Variants in CACNA1D observed in about 807,000 individuals in gnomAD.
CACNA1D encodes the protein voltage-dependent L-type calcium channel subunit alpha-1D.
A neutral mutation model predicts 257.1 loss-of-function variants in CACNA1D; 55 were observed. That is an observed-to-expected ratio of 0.21 (90% CI 0.17 to 0.27). CACNA1D has a LOEUF of 0.27. Among genes scored for constraint, CACNA1D ranks in the 10% least tolerant of loss-of-function variants. CACNA1D has a pLI of 1.00. For synonymous variants in CACNA1D, 980 were observed against 1,014.9 expected, an observed-to-expected ratio of 0.97 and a Z score of 0.65; for missense variants, 1,876 against 2,784.0, an observed-to-expected ratio of 0.67 and a Z score of 7.34.
intron 3 of CACNA1D, among the ~76,000 whole-genome samples, chr3:53,521,471 G>A (rs559826156): frequency 1.3e-5 from 2 of 152,342 alleles, no homozygotes; most frequent in East Asian, 3.9e-4. Context: ...CCTTGTCGGA[G>A]TAACGGGAGG....
chr3:53,553,095 A>G (rs2107593582), intron 3 of CACNA1D, among the ~76,000 whole-genome samples: 1 of 152,372 alleles, frequency 6.6e-6, no homozygotes, highest in Admixed American at 6.5e-5. Context: ...AGCCACTTTC[A>G]GACAGTGACT....
intron 2 of CACNA1D, among the ~76,000 whole-genome samples, chr3:53,497,970 A>G (rs2090423731): frequency 1.3e-5 from 2 of 152,212 alleles, no homozygotes; most frequent in Non-Finnish European, 2.9e-5. Flanking sequence ...GGTTGCTTCT[A>G]GTCTGACATT....
At chr3:53,656,756 C>T (rs572345005) in intron 4 of CACNA1D, among the ~76,000 whole-genome samples, 29 of 152,248 alleles carry the variant, frequency 1.9e-4, no homozygotes, top group African/African-American at 6.5e-4. Flanking sequence ...AAGATTTGAA[C>T]AGATCTTCAC....
chr3:53,564,213 T>A (rs1468505135), intron 3 of CACNA1D, among the ~76,000 whole-genome samples: 1 of 152,052 alleles, frequency 6.6e-6, no homozygotes, highest in African/African-American at 2.4e-5. Flanking sequence ...GAGGCTGGAG[T>A]GCAATGGCAT....
At chr3:53,668,454 G>A (rs537526758) in intron 7 of CACNA1D, among the ~76,000 whole-genome samples, 5 of 152,074 alleles carry the variant, frequency 3.3e-5, no homozygotes, top group Non-Finnish European at 5.9e-5. Context: ...TGACAATCAC[G>A]TGGTTAATAC....
chr3:53,615,659 C>T (rs2093629501), intron 3 of CACNA1D, among the ~76,000 whole-genome samples: 1 of 152,216 alleles, frequency 6.6e-6, no homozygotes, highest in African/African-American at 2.4e-5. Context: ...CACTTTCACC[C>T]TTTGAATTCT....
intron 3 of CACNA1D, among the ~76,000 whole-genome samples, chr3:53,532,367 G>C (rs539607141): frequency 5.9e-5 from 9 of 152,170 alleles, no homozygotes; most frequent in Non-Finnish European, 1.0e-4. Context: ...CAATGGCTTT[G>C]TTCCAGGCAT....
intron 3 of CACNA1D, among the ~76,000 whole-genome samples, chr3:53,557,553 A>T (rs184115415): frequency 6.6e-6 from 1 of 152,348 alleles, no homozygotes; most frequent in Non-Finnish European, 1.5e-5. Flanking sequence ...TTGTAGAAAA[A>T]GTATGAAGTT....
At chr3:53,641,662 G>A (rs2093952268) in intron 3 of CACNA1D, among the ~76,000 whole-genome samples, 2 of 152,176 alleles carry the variant, frequency 1.3e-5, no homozygotes, top group Admixed American at 6.5e-5. Flanking sequence ...GGATGCACGG[G>A]ATGGGAAGGA....
chr3:53,541,037 C>T (rs1415859885), intron 3 of CACNA1D, among the ~76,000 whole-genome samples: 1 of 152,094 alleles, frequency 6.6e-6, no homozygotes, highest in Non-Finnish European at 1.5e-5. Context: ...CCACTGTGCG[C>T]GGCCGGCATG....
At chr3:53,551,589 T>C (rs919879693) in intron 3 of CACNA1D, among the ~76,000 whole-genome samples, 4 of 152,356 alleles carry the variant, frequency 2.6e-5, no homozygotes, top group South Asian at 2.1e-4. Flanking sequence ...CCGTGGTGGA[T>C]GCTGGGAAGG....
chr3:53,732,934 G>A lies in CACNA1D; in HGVS notation c.2593G>A (p.Ala865Thr), dbSNP rs991138935. The change falls in exon 19 of 48, where the codon GCT (alanine) becomes ACT (threonine). Residue 865 changes from alanine to threonine, a missense_variant. Physicochemically the swap from Ala to Thr is moderately conservative, Grantham distance 58. Transcript: ENST00000350061. ...AATTGCCCCCATCCCTGAAGGGAGCGCTTTCTTCATTCTTAGCAAGACCAA... is the reference window on the plus strand; with the variant it reads ...AATTGCCCCCATCCCTGAAGGGAGCACTTTCTTCATTCTTAGCAAGACCAA... ...EKIAPIPEGS[A>T]FFILSKTNPI... 1 of 1,613,918 alleles carries A rather than the reference G, an allele frequency of 6.2e-7. No homozygotes were observed. Among genetic ancestry groups the A allele is most frequent in the South Asian group, 1.1e-5 (1 of 91,060 alleles).
Position 53,666,263 on chromosome 3 carries a change from G to T in CACNA1D, c.920-76G>T, listed in dbSNP as rs2306867. On this transcript the variant is annotated intron_variant, in intron 6 of 47. Coordinates refer to ENST00000350061, the MANE Select transcript of CACNA1D (RefSeq NM_001128840.3). ...GTAGGGTGTCCCGGGCTCTGGCAAG[G>T]GTTCTCACCTTCCGCTGGCTTGGAT... 6.5e-6 allele frequency: 9 copies of T among 1,394,724 alleles called. No individual in the cohort carries two copies. In the South Asian group the frequency reaches 9.3e-5, roughly 14 times the overall value. The allele number at this position is 1,394,724 out of a possible 1,614,324, so 86.4% of individuals were successfully genotyped here. A position where few individuals can be genotyped will look rare whatever the true frequency, so the allele number is the denominator to read the frequency against.
chr3:53,524,339 C>T (rs2091685560), intron 3 of CACNA1D, among the ~76,000 whole-genome samples: 1 of 152,184 alleles, frequency 6.6e-6, no homozygotes, highest in African/African-American at 2.4e-5. Flanking sequence ...CACAGAATAT[C>T]TTATTTAACA....
At chr3:53,745,772 C>A (rs1423826405) in intron 24 of CACNA1D, 41 bp downstream of exon 24, 1 of 1,603,938 alleles carries the variant, frequency 6.2e-7, no homozygotes, top group South Asian at 1.1e-5. Flanking sequence ...AGGTGGATTT[C>A]TTTAAGGAGA....
At chr3:53,754,663 C>G (rs2095251246) in intron 29 of CACNA1D, among the ~76,000 whole-genome samples, 1 of 152,204 alleles carries the variant, frequency 6.6e-6, no homozygotes, top group South Asian at 2.1e-4. Context: ...AAGAGCCACA[C>G]CAAGCTGAAA....
intron 46 of CACNA1D, chr3:53,809,041 C>T (rs1455657133): frequency 2.0e-6 from 1 of 490,340 alleles, no homozygotes. Flanking sequence ...CTGCGATCCC[C>T]ACCACCTCTT....
At chr3:53,796,723 C>G (rs551418116) in intron 40 of CACNA1D, among the ~76,000 whole-genome samples, 1 of 152,286 alleles carries the variant, frequency 6.6e-6, no homozygotes, top group East Asian at 1.9e-4. Flanking sequence ...TTTTAAGCAG[C>G]AGTCTACAGG....
intron 3 of CACNA1D, among the ~76,000 whole-genome samples, chr3:53,503,140 A>G (rs1365966903): frequency 1.3e-5 from 2 of 152,308 alleles, no homozygotes; most frequent in East Asian, 1.9e-4. Flanking sequence ...TGTGATGTCT[A>G]TTTGTATGTG....
Sources: gnomAD v4.1 joint callset for allele counts (sites outside exome capture counted in the v4.1 genomes callset) on GRCh38, gnomAD v4.1.1 for gene constraint, MANE v1.5 for transcripts, NCBI Gene and HGNC (gene_info 2026-07-23, HGNC 2026-07-21) for gene names.